Variants in PCM1 observed in about 807,000 individuals in gnomAD.
PCM1 encodes pericentriolar material 1.
PCM1 carries 157 observed loss-of-function variants against 241.9 expected under a neutral mutation model. The observed-to-expected ratio is 0.65, with a 90% CI of 0.57 to 0.74. The LOEUF is 0.74. Among genes scored for constraint, PCM1 ranks in the 30% least tolerant of loss-of-function variants. PCM1 has a pLI of 0.00. For missense variants in PCM1, 3,478 were observed against 2,360.1 expected (o/e 1.47, Z -9.81); for synonymous variants, 1,085 against 784.9 (o/e 1.38, Z -6.39).
intron 26 of PCM1, among the ~76,000 whole-genome samples, chr8:17,987,459 C>T (rs916644641): frequency 4.6e-5 from 7 of 151,766 alleles, no homozygotes; most frequent in African/African-American, 1.4e-4. Flanking sequence ...CATTGGTTTG[C>T]ACCATCGATA....
At chr8:18,027,581 T>C in intron 38 of PCM1, 56 bp from the exon 39 acceptor site, 1 of 1,275,198 alleles carries the variant, frequency 7.8e-7, no homozygotes, top group Non-Finnish European at 1.1e-6. Flanking sequence ...GAGAACAATG[T>C]TAAATTCTAG....
intron 8 of PCM1, among the ~76,000 whole-genome samples, chr8:17,951,975 C>T (rs918169207): frequency 1.3e-5 from 2 of 152,058 alleles, no homozygotes; most frequent in Non-Finnish European, 1.5e-5. Context: ...GTAATCCCAG[C>T]ACTTTGGGAG....
At chr8:17,952,435 C>A (rs1210980424) in intron 8 of PCM1, among the ~76,000 whole-genome samples, 1 of 152,152 alleles carries the variant, frequency 6.6e-6, no homozygotes, top group East Asian at 1.9e-4. Flanking sequence ...GAATCCAAGA[C>A]CTCTGTGTGG....
intron 23 of PCM1, among the ~76,000 whole-genome samples, chr8:17,973,413 A>G (rs1264601863): frequency 6.6e-6 from 1 of 152,052 alleles, no homozygotes; most frequent in Non-Finnish European, 1.5e-5. Flanking sequence ...TTCTGAGTTT[A>G]AGGAGATAGT....
At chr8:17,961,898 G>A (rs1262610391) in intron 15 of PCM1, 136 bp from the exon 16 acceptor site, 1 of 613,338 alleles carries the variant, frequency 1.6e-6, no homozygotes, top group South Asian at 2.5e-5. Context: ...ATCTTCGGAT[G>A]ATGATGGAAG....
intron 9 of PCM1, 104 bp from the exon 10 acceptor site, chr8:17,955,363 AGTT>A (rs1276653211): frequency 4.3e-6 from 3 of 692,888 alleles, no homozygotes; most frequent in Non-Finnish European, 7.0e-6. Context: ...GCAGAAATTA[AGTT>A]GTTAATTTTT....
chr8:18,014,110 A>AAAAC (rs1554770347), intron 35 of PCM1, 74 bp downstream of exon 35: 8 of 777,068 alleles, frequency 1.0e-5, no homozygotes, highest in African/African-American at 9.0e-5. Flanking sequence ...AAAAAAAAAA[A>AAAAC]ACACACACAG....
At chr8:17,971,772 C>T (rs1295582719) in intron 22 of PCM1, among the ~76,000 whole-genome samples, 1 of 152,140 alleles carries the variant, frequency 6.6e-6, no homozygotes, top group Non-Finnish European at 1.5e-5. Flanking sequence ...GGCAGGGTCT[C>T]ACTTTGTTAC....
At chr8:17,944,045 A>G (rs1278873198) in intron 6 of PCM1, among the ~76,000 whole-genome samples, 2 of 152,230 alleles carry the variant, frequency 1.3e-5, no homozygotes, top group African/African-American at 4.8e-5. Context: ...TTCTACGAGT[A>G]GCCATGCGTT....
chr8:18,001,752 CAT>C (rs2089501847), intron 29 of PCM1, among the ~76,000 whole-genome samples: 1 of 152,078 alleles, frequency 6.6e-6, no homozygotes, highest in African/African-American at 2.4e-5. Flanking sequence ...CCATTGTGCT[CAT>C]ATTTCTTCCC....
intron 36 of PCM1, chr8:18,024,825 C>A (rs1166196521): frequency 6.6e-6 from 1 of 152,112 alleles, no homozygotes; most frequent in Non-Finnish European, 1.5e-5. Flanking sequence ...CCTAAGATTT[C>A]TACTTGGATA....
intron 23 of PCM1, among the ~76,000 whole-genome samples, chr8:17,979,375 AT>A (rs1433237910): frequency 6.6e-6 from 1 of 152,162 alleles, no homozygotes; most frequent in Non-Finnish European, 1.5e-5. Flanking sequence ...TTCTAGTGGC[AT>A]TTTTGTATAC....
At chr8:18,011,571 A>G in intron 33 of PCM1, 96 bp from the exon 34 acceptor site, 3 of 1,194,542 alleles carry the variant, frequency 2.5e-6, no homozygotes, top group South Asian at 1.6e-5. Context: ...GATACTGTAT[A>G]TAAAGCATCT....
rs772434911 is a variant in PCM1, at chr8:17,935,586, C to T, written c.-22-3C>T. On this transcript the variant is annotated splice_region_variant and splice_polypyrimidine_tract_variant and intron_variant, in intron 2 of 38. Transcript: ENST00000325083. ...AAAGCTCAGTTCTTAACTTGTTTCG[C>T]AGAGAGTTAATTGTTAAATCCAGTA... is the stretch of plus-strand genomic sequence containing the variant. 9.9e-6 allele frequency: 10 copies of T among 1,012,484 alleles called. No homozygotes were observed. In the East Asian group the frequency reaches 2.4e-4, roughly 24 times the overall value. 62.7% of individuals were successfully genotyped at this position (1,012,484 alleles called of 1,614,324 possible).
chr8:18,009,763 G>T lies in PCM1; in HGVS notation c.5160+19G>T. On this transcript the variant is annotated intron_variant, in intron 31 of 38. Coordinates refer to ENST00000325083, the MANE Select transcript of PCM1 (RefSeq NM_006197.4). Reference sequence around the variant, plus strand: ...CAAAGAGGTAAATAACGTTCATTTTGATTTTTAGGATAATTGACACATAAA... The same window carrying T: ...CAAAGAGGTAAATAACGTTCATTTTTATTTTTAGGATAATTGACACATAAA... 1.5e-6 allele frequency: 2 copies of T among 1,346,852 alleles called. No individual in the cohort carries two copies. The highest frequency in any genetic ancestry group is 2.0e-5 in the South Asian group (1 of 50,022). The allele number at this position is 1,346,852 out of a possible 1,614,324, so 83.4% of individuals were successfully genotyped here.
At chr8:17,923,391 TC>T (rs1338839483) in intron 1 of PCM1, among the ~76,000 whole-genome samples, 1 of 152,166 alleles carries the variant, frequency 6.6e-6, no homozygotes, top group Non-Finnish European at 1.5e-5. Context: ...ATCGCCGGGA[TC>T]CCCGGGTGAG....
At chr8:17,954,516 G>A (rs898247368) in intron 9 of PCM1, among the ~76,000 whole-genome samples, 1 of 152,002 alleles carries the variant, frequency 6.6e-6, no homozygotes, top group Non-Finnish European at 1.5e-5. Context: ...GCATAAAGTA[G>A]CACTCCGTAT....
intron 6 of PCM1, among the ~76,000 whole-genome samples, chr8:17,945,766 A>G (rs1256811632): frequency 6.6e-6 from 1 of 152,166 alleles, no homozygotes; most frequent in Non-Finnish European, 1.5e-5. Flanking sequence ...AATCAAATGT[A>G]CATAGCAAGT....
chr8:18,008,014 T>A (rs1484361696), intron 30 of PCM1, among the ~76,000 whole-genome samples: 1 of 152,200 alleles, frequency 6.6e-6, no homozygotes, highest in Non-Finnish European at 1.5e-5. Flanking sequence ...GAATCTACTT[T>A]AAAGAGAGTT....
Sources: allele counts gnomAD v4.1 joint callset (sites outside exome capture counted in the v4.1 genomes callset), GRCh38; gene constraint gnomAD v4.1.1; transcripts MANE v1.5; gene names NCBI Gene and HGNC (gene_info 2026-07-23, HGNC 2026-07-21).